The following ACSL3 variants were observed in gnomAD, a reference collection of about 807,000 sequenced individuals.
The protein encoded by ACSL3 is fatty acid CoA ligase Acsl3.
Under a neutral mutation model 84.7 loss-of-function variants are expected in ACSL3, and 34 were observed. The ratio of observed to expected loss-of-function variants is 0.40; its 90% confidence interval spans 0.31 to 0.53. ACSL3 has a LOEUF of 0.53. ACSL3 is among the 20% of genes least tolerant of loss of function. ACSL3 has a pLI of 0.48. For synonymous variants in ACSL3, 315 were observed against 299.4 expected (o/e 1.05, Z -0.54); for missense variants, 680 against 873.1 (o/e 0.78, Z 2.79).
At chr2:222,895,355 T>G (rs996468504) in intron 2 of ACSL3, among the ~76,000 whole-genome samples, 2 of 152,182 alleles carry the variant, frequency 1.3e-5, no homozygotes, top group African/African-American at 4.8e-5. Flanking sequence ...GTGGCTCTCT[T>G]CTGCATAATA....
chr2:222,943,282 T>C lies in ACSL3; in HGVS notation c.*1628T>C. On this transcript the variant is annotated 3_prime_UTR_variant, in exon 17 of 17. Transcript: ENST00000357430. ...TATTTGTATTATGTTTTGAATGCTTTTCTCTTTTCATAATTAAATATTAAT... is the reference window on the plus strand; with the variant it reads ...TATTTGTATTATGTTTTGAATGCTTCTCTCTTTTCATAATTAAATATTAAT... The C allele has an allele frequency of 5.0e-6, 1 of 200,706 alleles. No homozygotes were observed. Among genetic ancestry groups the C allele is most frequent in the Non-Finnish European group, 1.0e-5 (1 of 97,462 alleles). 12.4% of individuals were successfully genotyped at this position (200,706 alleles called of 1,614,324 possible). A position where few individuals can be genotyped will look rare whatever the true frequency, so the allele number is the denominator to read the frequency against.
At chr2:222,928,174 A>G (rs147390911) in intron 12 of ACSL3, among the ~76,000 whole-genome samples, 6 of 152,212 alleles carry the variant, frequency 3.9e-5, no homozygotes, top group African/African-American at 1.2e-4. Flanking sequence ...ATAATAGTGG[A>G]GGGTTCTTTC....
intron 1 of ACSL3, among the ~76,000 whole-genome samples, chr2:222,874,702 A>G (rs1177369642): frequency 6.6e-6 from 1 of 152,134 alleles, no homozygotes; most frequent in Non-Finnish European, 1.5e-5. Flanking sequence ...CAACCCGAGT[A>G]TTTATTTTAG....
chr2:222,918,002 G>A (rs762498450), intron 5 of ACSL3, 44 bp from the exon 6 acceptor site: 25 of 1,369,150 alleles, frequency 1.8e-5, no homozygotes, highest in Non-Finnish European at 2.6e-5. Flanking sequence ...TACATTTGTA[G>A]TTAAATGTTT....
At chr2:222,878,577 C>T (rs116352426) in intron 1 of ACSL3, among the ~76,000 whole-genome samples, 2 of 152,246 alleles carry the variant, frequency 1.3e-5, no homozygotes, top group African/African-American at 4.8e-5. Context: ...ATTGAATATA[C>T]TGTTTCTGAG....
intron 3 of ACSL3, among the ~76,000 whole-genome samples, chr2:222,902,015 T>C (rs1199932696): frequency 1.3e-5 from 2 of 149,014 alleles, no homozygotes; most frequent in East Asian, 4.0e-4. Context: ...GAAACCTCAG[T>C]GGTAAACACA....
intron 11 of ACSL3, among the ~76,000 whole-genome samples, chr2:222,925,872 G>T (rs1432843339): frequency 1.3e-5 from 2 of 152,128 alleles, no homozygotes; most frequent in East Asian, 3.9e-4. Context: ...AGAGTACATA[G>T]ATTTATGATT....
At chr2:222,869,645 A>G (rs966544883) in intron 1 of ACSL3, among the ~76,000 whole-genome samples, 3 of 152,262 alleles carry the variant, frequency 2.0e-5, no homozygotes, top group African/African-American at 7.2e-5. Flanking sequence ...ATGTTTTGCC[A>G]CAGTAGCCAG....
At chr2:222,904,433 T>C (rs184699080) in intron 3 of ACSL3, among the ~76,000 whole-genome samples, 50 of 152,326 alleles carry the variant, frequency 3.3e-4, no homozygotes, top group Admixed American at 6.5e-5. Context: ...GTCAGTCTTT[T>C]ATGATGATTT....
chr2:222,917,955 A>G (rs1696628918), intron 5 of ACSL3, 91 bp from the exon 6 acceptor site: 1 of 900,806 alleles, frequency 1.1e-6, no homozygotes, highest in Non-Finnish European at 1.8e-6. Context: ...AGGGCTCCTA[A>G]TGCGTTATTA....
At chr2:222,876,826 A>G (rs1695462919) in intron 1 of ACSL3, among the ~76,000 whole-genome samples, 1 of 152,166 alleles carries the variant, frequency 6.6e-6, no homozygotes, top group Admixed American at 6.6e-5. Context: ...GTTAAAATAC[A>G]GTTGTAATAA....
At chr2:222,875,755 C>T (rs1695430128) in intron 1 of ACSL3, among the ~76,000 whole-genome samples, 1 of 152,130 alleles carries the variant, frequency 6.6e-6, no homozygotes, top group Non-Finnish European at 1.5e-5. Context: ...AGAGTTTCTA[C>T]CCCTCCTCCC....
Position 222,869,422 on chromosome 2 carries a change from C to T in ACSL3, c.-207+8164C>T, listed in dbSNP as rs116254053. On this transcript the variant is annotated intron_variant, in intron 1 of 16. Transcript: ENST00000357430. ...TGTATATTCTTTCTTCCTCTTTATCCCTTCTCTGCCCTTCACAAGTAGTTT... is the reference window on the plus strand; with the variant it reads ...TGTATATTCTTTCTTCCTCTTTATCTCTTCTCTGCCCTTCACAAGTAGTTT... 7.5e-3 allele frequency among the ~76,000 whole-genome samples: 1,130 copies of T among 151,056 alleles called. 22 individuals are homozygous for T. The highest frequency in any genetic ancestry group is 0.026 in the African/African-American group (1,053 of 40,490).
chr2:222,924,350 TC>T, intron 10 of ACSL3, 105 bp from the exon 11 acceptor site: 1 of 1,047,198 alleles, frequency 9.5e-7, no homozygotes, highest in Non-Finnish European at 1.3e-6. Flanking sequence ...GAAGAGTACT[TC>T]TTTTAAAATG....
chr2:222,905,163 T>TA (rs1696258399), intron 3 of ACSL3: 1 of 152,742 alleles, frequency 6.5e-6, no homozygotes, highest in African/African-American at 2.4e-5. Flanking sequence ...GCTAATTTTT[T>TA]TATATATGTT....
chr2:222,921,710 GT>G (rs1052864366), intron 8 of ACSL3, among the ~76,000 whole-genome samples: 5 of 151,956 alleles, frequency 3.3e-5, no homozygotes, highest in Admixed American at 6.6e-5. Flanking sequence ...TGCTGCTGTA[GT>G]TTTTTTTATA....
At chr2:222,930,521 C>G (rs766224282) in intron 13 of ACSL3, 100 bp from the exon 14 acceptor site, 9 of 1,050,482 alleles carry the variant, frequency 8.6e-6, no homozygotes, top group Non-Finnish European at 1.2e-5. Flanking sequence ...TTGGGAAGTT[C>G]TAATTGGATT....
chr2:222,886,096 A>G (rs1263720016), intron 1 of ACSL3, among the ~76,000 whole-genome samples: 1 of 152,202 alleles, frequency 6.6e-6, no homozygotes, highest in Non-Finnish European at 1.5e-5. Flanking sequence ...ATACATGTGC[A>G]GAACGTGCAG....
intron 1 of ACSL3, among the ~76,000 whole-genome samples, chr2:222,873,459 A>G (rs1235758558): frequency 6.6e-6 from 1 of 152,238 alleles, no homozygotes; most frequent in Admixed American, 6.5e-5. Flanking sequence ...CTGTTGCTAT[A>G]TAAATTTGTA....
Sources: allele counts gnomAD v4.1 joint callset (sites outside exome capture counted in the v4.1 genomes callset), GRCh38; gene constraint gnomAD v4.1.1; transcripts MANE v1.5; gene names NCBI Gene and HGNC (gene_info 2026-07-23, HGNC 2026-07-21).